The following SPEG variants were observed in gnomAD, a reference collection of about 807,000 sequenced individuals.
SPEG encodes striated muscle enriched protein kinase, also known as striated muscle preferentially expressed protein kinase.
SPEG carries 114 observed loss-of-function variants against 300.4 expected under a neutral mutation model. The ratio of observed to expected loss-of-function variants is 0.38; its 90% CI spans 0.33 to 0.44. The LOEUF is 0.44. Ranked by LOEUF, SPEG falls within the 20% of genes least tolerant of loss-of-function variation. The pLI is 1.00. For missense variants in SPEG, 4,201 were observed against 4,586.2 expected (o/e 0.92, Z 2.43); for synonymous variants, 1,964 against 2,018.9 (o/e 0.97, Z 0.73).
At chr2:219,460,264 G>T (rs1474156550) in intron 6 of SPEG, 10 of 975,168 alleles carry the variant, frequency 1.0e-5, no homozygotes, top group Non-Finnish European at 1.2e-5. Flanking sequence ...CCCCACCTCT[G>T]TGAAGGAGGG....
In SPEG at chr2:219,479,251, C is replaced by G. The variant is rs1449346246; in HGVS notation, c.5085+50C>G. 1 of 1,542,158 alleles carries G rather than the reference C, an allele frequency of 6.5e-7. No homozygotes were observed. Reference sequence around the variant, plus strand: ...CAGGTTGGGCACCAGCCTTCACCCACCTGAGCTTTGAGAACCAACAAATGG... The same window carrying G: ...CAGGTTGGGCACCAGCCTTCACCCAGCTGAGCTTTGAGAACCAACAAATGG... On this transcript the variant is annotated intron_variant, in intron 23 of 40. Coordinates refer to ENST00000312358, the MANE Select transcript of SPEG (RefSeq NM_005876.5). The surrounding 1 kb of genome is among the most constrained non-coding windows in gnomAD (Gnocchi z 5.5).
intron 1 of SPEG, among the ~76,000 whole-genome samples, chr2:219,435,885 G>A (rs2125187453): frequency 6.6e-6 from 1 of 152,318 alleles, no homozygotes; most frequent in East Asian, 1.9e-4. Context: ...GTGGGGTGTG[G>A]AAGAGGCCTA....
rs569235160 is a variant in SPEG, at chr2:219,483,508, G to C, written c.6045G>C (p.Ser2015=). The C allele has an allele frequency of 1.3e-4, 189 of 1,418,966 alleles. No individual in the cohort carries two copies. In the South Asian group the frequency reaches 2.0e-3, roughly 15 times the overall value. The allele number at this position is 1,418,966 out of a possible 1,614,324, so 87.9% of individuals were successfully genotyped here. A position where few individuals can be genotyped will look rare whatever the true frequency, so the allele number is the denominator to read the frequency against. ...PRRGELRRGS[S]AESALPRAGP... ...GGGGAGAGCTCCGCAGGGGCAGCTC[G>C]GCTGAGAGCGCCCTGCCCCGGGCCG... The change falls in exon 30 of 41, where the codon TCG becomes TCC. Residue 2015 remains serine, a synonymous_variant. Coordinates refer to ENST00000312358, the MANE Select transcript of SPEG (RefSeq NM_005876.5).
intron 6 of SPEG, among the ~76,000 whole-genome samples, chr2:219,452,345 G>A (rs1689828722): frequency 6.6e-6 from 1 of 152,166 alleles, no homozygotes; most frequent in South Asian, 2.1e-4. Flanking sequence ...CAGTGCCGAG[G>A]CTGCCTTGTT....
rs372257767 is a variant in SPEG, at chr2:219,451,806, C to T, written c.2439C>T (p.Pro813=). The change falls in exon 6 of 41, where the codon CCC becomes CCT. Residue 813 remains proline, a splice_region_variant and synonymous_variant. Coordinates refer to ENST00000312358, the MANE Select transcript of SPEG (RefSeq NM_005876.5). The surrounding 1 kb of genome is among the most constrained non-coding windows in gnomAD (Gnocchi z 6.4). ...ATCAASLTVR[P]GGSTSPFSSP... is the part of the protein sequence containing the mutation. ...GTGCCGCCTCACTGACCGTGAGACC[C>T]GGTAGGGAGCCCATCAACCCTGGGG... 1.0e-4 allele frequency: 156 copies of T among 1,532,398 alleles called. 1 individual carries two copies. The highest frequency in any genetic ancestry group is 1.3e-4 in the Non-Finnish European group (151 of 1,136,516). The allele number at this position is 1,532,398 out of a possible 1,614,324, so 94.9% of individuals were successfully genotyped here. A position where few individuals can be genotyped will look rare whatever the true frequency, so the allele number is the denominator to read the frequency against.
At position 219,444,044 on chromosome 2, in the gene SPEG, A is replaced by G. The variant is rs775753725; in HGVS notation, c.389-609A>G. 7.3e-7 allele frequency: 1 copy of G among 1,365,976 alleles called. No homozygotes were observed. The highest frequency in any genetic ancestry group is 1.1e-5 in the South Asian group (1 of 87,760). 84.6% of individuals were successfully genotyped at this position (1,365,976 alleles called of 1,614,324 possible). A position where few individuals can be genotyped will look rare whatever the true frequency, so the allele number is the denominator to read the frequency against. The stretch of plus-strand genomic sequence containing the variant: ...TGGAAGCGAAGTTTTCCGCTCCTGC[A>G]GAAAGCAAAGTTACGGTAGGAAACT... On this transcript the variant is annotated intron_variant, in intron 1 of 40. Coordinates refer to ENST00000312358, the MANE Select transcript of SPEG (RefSeq NM_005876.5). This position sits in a 1 kb window ranked among gnomAD's most constrained non-coding sequence, Gnocchi z 7.8.
rs1690381354 is a variant in SPEG, at chr2:219,458,579, G to T, written c.2441-3303G>T. 6.6e-6 allele frequency among the ~76,000 whole-genome samples: 1 copy of T among 152,166 alleles called. No individual in the cohort carries two copies. The highest frequency in any genetic ancestry group is 1.5e-5 in the Non-Finnish European group (1 of 68,028). On this transcript the variant is annotated intron_variant, in intron 6 of 40. Coordinates refer to ENST00000312358, the MANE Select transcript of SPEG (RefSeq NM_005876.5). The surrounding 1 kb of genome is among the most constrained non-coding windows in gnomAD (Gnocchi z 4.2). Reference sequence around the variant, plus strand: ...AACCACTGCCATAGAGTTAGAGATTGTGCCCAAGATGGGAGACCAGGTCAT... The same window carrying T: ...AACCACTGCCATAGAGTTAGAGATTTTGCCCAAGATGGGAGACCAGGTCAT...
chr2:219,472,601 C>G (rs1376236674), intron 15 of SPEG, among the ~76,000 whole-genome samples: 1 of 152,156 alleles, frequency 6.6e-6, no homozygotes, highest in Non-Finnish European at 1.5e-5. Context: ...CTCTCCTCGT[C>G]TTGTCCAGGA....
In SPEG at chr2:219,443,153, G is replaced by A. The variant is rs758930355; in HGVS notation, c.389-1500G>A. On this transcript the variant is annotated intron_variant, in intron 1 of 40. Coordinates refer to ENST00000312358, the MANE Select transcript of SPEG (RefSeq NM_005876.5). The surrounding 1 kb of genome is among the most constrained non-coding windows in gnomAD (Gnocchi z 4.6). ...GGCCTTTGGCCGACTCACCCATGGT[G>A]CGTGGACCGTGGGCGTCCTTGCTCT... 6.2e-7 allele frequency: 1 copy of A among 1,612,538 alleles called. No individual in the cohort carries two copies. Among genetic ancestry groups the A allele is most frequent in the Non-Finnish European group, 8.5e-7 (1 of 1,179,626 alleles).
chr2:219,451,807 G>C lies in SPEG; in HGVS notation c.2440G>C (p.Gly814Arg). 6.5e-7 allele frequency: 1 copy of C among 1,533,690 alleles called. No individual in the cohort carries two copies. Among genetic ancestry groups the C allele is most frequent in the South Asian group, 1.2e-5 (1 of 81,674 alleles). Residue 814 changes from glycine (G) to arginine (R), a missense_variant and splice_region_variant, in exon 6 of 41, where the codon GGT (glycine) becomes CGT (arginine). Transcript: ENST00000312358. The surrounding 1 kb of genome is among the most constrained non-coding windows in gnomAD (Gnocchi z 6.4). ...TGCCGCCTCACTGACCGTGAGACCC[G>C]GTAGGGAGCCCATCAACCCTGGGGC... ...TCAASLTVRP[G>R]GSTSPFSSPI...
rs530278955 is a variant in SPEG at position 219,435,164 on chromosome 2, C to A, written c.187C>A (p.Arg63=). 1 of 1,471,366 alleles carries A rather than the reference C, an allele frequency of 6.8e-7. No individual in the cohort carries two copies. Among genetic ancestry groups the A allele is most frequent in the Admixed American group, 2.5e-5 (1 of 40,638 alleles). 91.1% of individuals were successfully genotyped at this position (1,471,366 alleles called of 1,614,324 possible). A position where few individuals can be genotyped will look rare whatever the true frequency, so the allele number is the denominator to read the frequency against. ...GTGCGCGGGCAGCGACGTGCGGCTG[C>A]GGGTGGTGGTGAGCGGGACGCCCCA... The part of the protein sequence containing the change: ...AVCAGSDVRL[R]VVVSGTPQPS... Residue 63 remains arginine (R), a synonymous_variant, in exon 1 of 41, where the codon CGG becomes AGG. Coordinates refer to ENST00000312358, the MANE Select transcript of SPEG (RefSeq NM_005876.5).
Position 219,459,077 on chromosome 2 carries a change from C to T in SPEG, c.2441-2805C>T, listed in dbSNP as rs73085299. Among the ~76,000 whole-genome samples the T allele has an allele frequency of 9.8e-3, 1,493 of 152,266 alleles. 22 individuals are homozygous for T. The highest frequency in any genetic ancestry group is 0.035 in the African/African-American group (1,437 of 41,536). On this transcript the variant is annotated intron_variant, in intron 6 of 40. Transcript: ENST00000312358. The surrounding 1 kb of genome is among the most constrained non-coding windows in gnomAD (Gnocchi z 4.9). ...AGGGAGTTCCCTGTGTGCTTCCTAA[C>T]GCCAGTATTTTCATCAAATGAGTTT...
chr2:219,492,970 C>A lies in SPEG; in HGVS notation c.*184C>A, dbSNP rs1197198145. On this transcript the variant is annotated 3_prime_UTR_variant, in exon 41 of 41. Transcript: ENST00000312358. ...AGACCCCAGGGCCTGGACCTGATGC[C>A]ACCCCAGGCCAAAGCCAGAGTGGGA... The A allele has an allele frequency of 4.0e-6, 3 of 743,890 alleles. No individual in the cohort carries two copies. The South Asian group carries it at 4.4e-5, about 11-fold the overall frequency. The allele number at this position is 743,890 out of a possible 1,614,324, so 46.1% of individuals were successfully genotyped here.
chr2:219,461,946 G>A lies in SPEG; in HGVS notation c.2505G>A (p.Glu835=). ...TSDEEYLSPP[E]EFPEPGETWP... ...ACGAGGAATACCTGAGCCCCCCAGAGGAGTTCCCAGAGCCTGGGGAGACCT... is the reference window on the plus strand; with the variant it reads ...ACGAGGAATACCTGAGCCCCCCAGAAGAGTTCCCAGAGCCTGGGGAGACCT... Residue 835 remains glutamate, a synonymous_variant, in exon 7 of 41, where the codon GAG becomes GAA. Coordinates refer to ENST00000312358, the MANE Select transcript of SPEG (RefSeq NM_005876.5). 1 of 1,613,868 alleles carries A rather than the reference G, an allele frequency of 6.2e-7. No homozygotes were observed. Among genetic ancestry groups the A allele is most frequent in the South Asian group, 1.1e-5 (1 of 91,060 alleles).
intron 31 of SPEG, among the ~76,000 whole-genome samples, chr2:219,487,612 G>A (rs759450490): frequency 6.6e-6 from 1 of 152,148 alleles, no homozygotes; most frequent in Non-Finnish European, 1.5e-5. Context: ...GAAGACCTAC[G>A]ACCCTGTCCC....
At chr2:219,442,139 C>A in intron 1 of SPEG, 2 of 1,112,298 alleles carry the variant, frequency 1.8e-6, no homozygotes, top group Non-Finnish European at 2.3e-6. Flanking sequence ...CTGGGCGCCC[C>A]GGAGGGAGGG....
rs1692712223 is a variant in SPEG at position 219,480,255 on chromosome 2, TGGAGGCATTGTTTGCA to T, written c.5342+118_5342+133del. On this transcript the variant is annotated intron_variant, in intron 25 of 40. Coordinates refer to ENST00000312358, the MANE Select transcript of SPEG (RefSeq NM_005876.5). The surrounding 1 kb of genome is among the most constrained non-coding windows in gnomAD (Gnocchi z 5.3). Reference sequence around the variant, plus strand: ...GCCTGAATTCCTCCTGAAGGTGGGCTGGAGGCATTGTTTGCAGGGTCTCCTGCCCATGTTACTCCTT... The same window carrying T: ...GCCTGAATTCCTCCTGAAGGTGGGCTGGGTCTCCTGCCCATGTTACTCCTT... 1 of 1,152,738 alleles carries T rather than the reference TGGAGGCATTGTTTGCA, an allele frequency of 8.7e-7. No homozygotes were observed. The highest frequency in any genetic ancestry group is 2.4e-5 in the East Asian group (1 of 40,848). 71.4% of individuals were successfully genotyped at this position (1,152,738 alleles called of 1,614,324 possible).
At chr2:219,466,390 G>T in intron 9 of SPEG, 2 of 1,355,622 alleles carry the variant, frequency 1.5e-6, no homozygotes, top group Non-Finnish European at 9.5e-7. Context: ...GAGTGCATGT[G>T]CTACTGCTGC....
Position 219,492,738 on chromosome 2 carries a change from T to C in SPEG, c.9756T>C (p.Ala3252=). The C allele has an allele frequency of 6.5e-7, 1 of 1,540,472 alleles. No individual in the cohort carries two copies. The highest frequency in any genetic ancestry group is 1.2e-5 in the South Asian group (1 of 83,672). Residue 3252 remains alanine, a synonymous_variant, in exon 41 of 41, where the codon GCT becomes GCC. Transcript: ENST00000312358. ...AGCAGCGGCGGCGCCGGGCTGAGGC[T>C]GCCACCCGCCACAAGGTGCTGCTGC... is the stretch of plus-strand genomic sequence containing the variant. ...LGEQRRRRAE[A]ATRHKVLLRS...
Sources: allele counts gnomAD v4.1 joint callset (sites outside exome capture counted in the v4.1 genomes callset), GRCh38; gene constraint gnomAD v4.1.1; non-coding constraint Gnocchi (gnomAD v3.1); transcripts MANE v1.5; gene names NCBI Gene and HGNC (gene_info 2026-07-23, HGNC 2026-07-21).